EPG5: variants seen among roughly 807,000 people sequenced by gnomAD.
EPG5 encodes ectopic P granules protein 5 homolog.
EPG5 carries 159 observed loss-of-function variants against 302.7 expected under a neutral mutation model. The observed-to-expected ratio is 0.53, with a 90% CI of 0.46 to 0.60. The LOEUF is 0.60. EPG5 is among the 20% of genes least tolerant of loss of function. EPG5 has a pLI of 0.00. For missense variants in EPG5, 2,896 were observed against 3,092.4 expected, an observed-to-expected ratio of 0.94 and a Z score of 1.51; for synonymous variants, 1,158 against 1,136.8, an observed-to-expected ratio of 1.02 and a Z score of -0.37.
chr18:45,927,563 T>A (rs1016310903), intron 13 of EPG5, among the ~76,000 whole-genome samples: 1 of 148,778 alleles, frequency 6.7e-6, no homozygotes, highest in African/African-American at 2.5e-5. Flanking sequence ...CAAGTCCCCA[T>A]CAATGACTGA....
chr18:45,946,588 G>A, intron 7 of EPG5, 75 bp downstream of exon 7: 1 of 1,099,140 alleles, frequency 9.1e-7, no homozygotes, highest in Admixed American at 1.9e-5. Flanking sequence ...TATGTGAAAA[G>A]TGCTTAGAAC....
chr18:45,936,356 T>A (rs1390593443), intron 10 of EPG5, among the ~76,000 whole-genome samples: 1 of 152,180 alleles, frequency 6.6e-6, no homozygotes, highest in African/African-American at 2.4e-5. Context: ...TAGATGCTTA[T>A]TAAAATTGTA....
At chr18:45,875,477 T>C (rs753391730) in intron 35 of EPG5, among the ~76,000 whole-genome samples, 5 of 151,624 alleles carry the variant, frequency 3.3e-5, no homozygotes, top group Non-Finnish European at 5.9e-5. Flanking sequence ...AACAAACAAA[T>C]AGATCTAGAA....
At chr18:45,857,001 C>A (rs1185799210) in intron 42 of EPG5, among the ~76,000 whole-genome samples, 1 of 151,780 alleles carries the variant, frequency 6.6e-6, no homozygotes, top group East Asian at 1.9e-4. Flanking sequence ...TGACTGCAAC[C>A]TCTGCCTCCT....
At chr18:45,831,154 T>C in the EPG5 span, among the ~76,000 whole-genome samples, 1 of 152,090 alleles carries the variant, frequency 6.6e-6, no homozygotes, top group Non-Finnish European at 1.5e-5. Context: ...GCAGAATGCC[T>C]CTTGCGGCAG....
chr18:45,922,189 C>T (rs1252101206), intron 16 of EPG5, 152 bp downstream of exon 16: 5 of 939,458 alleles, frequency 5.3e-6, no homozygotes, highest in Non-Finnish European at 6.2e-6. Context: ...GGCAGCATCT[C>T]CCCTTGATAA....
intron 11 of EPG5, among the ~76,000 whole-genome samples, chr18:45,934,114 C>G (rs1039919281): frequency 1.3e-5 from 2 of 151,864 alleles, no homozygotes; most frequent in African/African-American, 2.4e-5. Flanking sequence ...CATGATGAAA[C>G]CATGTCTCTA....
At chr18:45,888,120 G>A (rs980514082) in intron 28 of EPG5, among the ~76,000 whole-genome samples, 5 of 150,474 alleles carry the variant, frequency 3.3e-5, no homozygotes, top group African/African-American at 7.3e-5. Context: ...TTTTTGGGGT[G>A]GGGGAGACAG....
intron 30 of EPG5, among the ~76,000 whole-genome samples, chr18:45,882,965 C>A (rs2049130291): frequency 6.6e-6 from 1 of 150,508 alleles, no homozygotes; most frequent in South Asian, 2.1e-4. Context: ...CGAGATCACG[C>A]CATTGCACTC....
chr18:45,884,831 A>G lies in EPG5; in HGVS notation c.5110-20T>C. On this transcript the variant is annotated intron_variant, in intron 29 of 43. Transcript: ENST00000282041. ...AAATACCTTGGAAAAATAAAAAGGA[A>G]AAATGTCACCAGATTCTTCCCTCAC... 6.7e-7 allele frequency: 1 copy of G among 1,492,042 alleles called. No individual in the cohort carries two copies. The highest frequency in any genetic ancestry group is 1.3e-5 in the South Asian group (1 of 75,572). The allele number at this position is 1,492,042 out of a possible 1,614,324, so 92.4% of individuals were successfully genotyped here.
chr18:45,888,004 T>G, intron 28 of EPG5, 97 bp from the exon 29 acceptor site: 1 of 974,090 alleles, frequency 1.0e-6, no homozygotes, highest in Non-Finnish European at 1.4e-6. Flanking sequence ...GCAATATTCT[T>G]AAGAATCCTC....
intron 40 of EPG5, among the ~76,000 whole-genome samples, chr18:45,859,736 T>C (rs542676267): frequency 2.6e-5 from 4 of 152,374 alleles, no homozygotes; most frequent in Admixed American, 2.6e-4. Flanking sequence ...ATTAACCTCA[T>C]GGACTATGAT....
At chr18:45,823,931 G>T in the EPG5 span, among the ~76,000 whole-genome samples, 1 of 152,232 alleles carries the variant, frequency 6.6e-6, no homozygotes, top group East Asian at 1.9e-4. Context: ...CTAGTGCTGA[G>T]CACCTGAACC....
At chr18:45,921,682 T>C (rs1222137755) in intron 16 of EPG5, among the ~76,000 whole-genome samples, 3 of 152,164 alleles carry the variant, frequency 2.0e-5, no homozygotes, top group Non-Finnish European at 4.4e-5. Context: ...AGGCATTTCA[T>C]TCTTCTAGAC....
chr18:45,832,533 A>G, the EPG5 span, among the ~76,000 whole-genome samples: 1 of 152,200 alleles, frequency 6.6e-6, no homozygotes, highest in East Asian at 1.9e-4. Context: ...GAATGGCCAG[A>G]GGTGGAATTG....
chr18:45,902,231 CCAAA>C (rs1485998844), intron 25 of EPG5, among the ~76,000 whole-genome samples: 60 of 152,226 alleles, frequency 3.9e-4, no homozygotes, highest in African/African-American at 1.3e-3. Flanking sequence ...TGTTTGTACC[CCAAA>C]CAGATGGAAT....
At chr18:45,878,093 G>A (rs917106701) in intron 34 of EPG5, among the ~76,000 whole-genome samples, 6 of 152,134 alleles carry the variant, frequency 3.9e-5, no homozygotes, top group African/African-American at 1.2e-4. Context: ...CATTTTTTCT[G>A]AAATTAAACA....
chr18:45,939,708 T>C lies in EPG5; in HGVS notation c.1991A>G (p.His664Arg). ...VSDHWAQYVSHNQGSGLAQQP... is the reference protein window; with the variant it reads ...VSDHWAQYVSRNQGSGLAQQP... ...TTGGGCCAATCCTGAGCCTTGGTTA[T>C]GGCTCACATACTGTGCCCAATGGTC... Residue 664 changes from histidine (H) to arginine (R), a missense_variant, in exon 10 of 44, where the codon CAT (histidine) becomes CGT (arginine). Transcript: ENST00000282041. The C allele has an allele frequency of 6.2e-7, 1 of 1,614,028 alleles. No homozygotes were observed.
intron 35 of EPG5, among the ~76,000 whole-genome samples, chr18:45,871,871 C>G (rs1288581877): frequency 6.6e-6 from 1 of 151,874 alleles, no homozygotes; most frequent in East Asian, 1.9e-4. Context: ...ATCTATTGTA[C>G]AGCAGGGTGA....
Sources: allele counts gnomAD v4.1 joint callset (sites outside exome capture counted in the v4.1 genomes callset), GRCh38; gene constraint gnomAD v4.1.1; transcripts MANE v1.5; gene names NCBI Gene and HGNC (gene_info 2026-07-23, HGNC 2026-07-21).